Variants in SLIT3 observed in about 807,000 individuals in gnomAD.
SLIT3 encodes the protein slit homolog 3 protein.
Under a neutral mutation model 184.0 loss-of-function variants are expected in SLIT3, and 68 were observed. The ratio of observed to expected loss-of-function variants is 0.37; its 90% CI spans 0.30 to 0.45. The LOEUF is 0.45. Among genes scored for constraint, SLIT3 ranks in the 20% least tolerant of loss-of-function variants. The pLI is 1.00. For missense variants in SLIT3, 1,707 were observed against 2,026.0 expected (o/e 0.84, Z 3.02); for synonymous variants, 831 against 828.6 (o/e 1.00, Z -0.05).
At chr5:168,948,951 T>C (rs1461919935) in intron 4 of SLIT3, among the ~76,000 whole-genome samples, 1 of 151,866 alleles carries the variant, frequency 6.6e-6, no homozygotes, top group Non-Finnish European at 1.5e-5. Context: ...AAGGGAGGAG[T>C]GTGGACTAGC....
chr5:168,935,150 C>A (rs138605054), intron 4 of SLIT3, among the ~76,000 whole-genome samples: 1,978 of 123,854 alleles, frequency 0.016, 22 homozygotes, highest in Non-Finnish European at 0.023. Flanking sequence ...AAAAAAAAAA[C>A]AAAAAAAAAA....
At chr5:168,887,336 G>T (rs11740226) in intron 4 of SLIT3, among the ~76,000 whole-genome samples, 59,251 of 151,886 alleles carry the variant, frequency 0.39, 12,495 homozygotes, top group East Asian at 0.69. Context: ...TGATCCTAGA[G>T]GTCACTCCCA....
intron 9 of SLIT3, among the ~76,000 whole-genome samples, chr5:168,799,835 T>C (rs1480541067): frequency 6.6e-6 from 1 of 152,250 alleles, no homozygotes; most frequent in East Asian, 1.9e-4. Flanking sequence ...GTACTCATTT[T>C]ACAGATGAGG....
chr5:169,069,702 TG>T (rs1403599809), intron 4 of SLIT3, among the ~76,000 whole-genome samples: 1 of 151,784 alleles, frequency 6.6e-6, no homozygotes, highest in East Asian at 1.9e-4. Flanking sequence ...CCAAGAGGTT[TG>T]GTATGAGGAG....
chr5:169,128,146 T>C (rs1761149945), intron 4 of SLIT3, among the ~76,000 whole-genome samples: 1 of 151,250 alleles, frequency 6.6e-6, no homozygotes. Context: ...AAAAGCATGT[T>C]ATATAATGTT....
At chr5:168,962,114 A>G (rs1763032184) in intron 4 of SLIT3, among the ~76,000 whole-genome samples, 1 of 152,022 alleles carries the variant, frequency 6.6e-6, no homozygotes, top group South Asian at 2.1e-4. Context: ...CTCCACCAGC[A>G]TCTCTGGGCA....
In SLIT3 at chr5:168,762,778, G is replaced by A. The variant is rs1755205205; in HGVS notation, c.1460-89C>T. On this transcript the variant is annotated intron_variant, in intron 14 of 35. Transcript: ENST00000519560. ...GGTAGTGGGGGTGGGAGACAGAGAT[G>A]GGGGAATGAGTTGGGGGCTGTTAGG... 3.7e-6 allele frequency: 5 copies of A among 1,346,586 alleles called. No homozygotes were observed. In the Admixed American group the frequency reaches 6.9e-5, roughly 19 times the overall value. 83.4% of individuals were successfully genotyped at this position (1,346,586 alleles called of 1,614,324 possible).
intron 4 of SLIT3, among the ~76,000 whole-genome samples, chr5:168,934,100 AC>A (rs1202758045): frequency 5.3e-5 from 8 of 152,300 alleles, no homozygotes; most frequent in African/African-American, 1.9e-4. Context: ...GATGGGCTCC[AC>A]CTGCTTCCCG....
At chr5:168,782,964 G>C (rs183950742) in intron 12 of SLIT3, among the ~76,000 whole-genome samples, 1 of 152,158 alleles carries the variant, frequency 6.6e-6, no homozygotes, top group Non-Finnish European at 1.5e-5. Context: ...AGACTTTTCT[G>C]AGTTTTCTAG....
intron 6 of SLIT3, among the ~76,000 whole-genome samples, chr5:168,832,185 G>T (rs1757902950): frequency 6.6e-6 from 1 of 152,224 alleles, no homozygotes; most frequent in African/African-American, 2.4e-5. Flanking sequence ...TGAGACCATG[G>T]ACAGTCTTGA....
At chr5:168,718,830 C>T (rs1229853442) in intron 23 of SLIT3, among the ~76,000 whole-genome samples, 2 of 151,962 alleles carry the variant, frequency 1.3e-5, no homozygotes, top group Non-Finnish European at 2.9e-5. Flanking sequence ...CAAACTAAAC[C>T]TTGATGCTCA....
chr5:169,150,033 G>C (rs1762062018), intron 4 of SLIT3, among the ~76,000 whole-genome samples: 1 of 152,160 alleles, frequency 6.6e-6, no homozygotes, highest in South Asian at 2.1e-4. Context: ...CCAGTGTGTG[G>C]GATTTCAACC....
chr5:168,769,296 A>C (rs1755460605), intron 14 of SLIT3, among the ~76,000 whole-genome samples: 1 of 152,172 alleles, frequency 6.6e-6, no homozygotes, highest in East Asian at 1.9e-4. Context: ...ACTTCCTCCC[A>C]CTTGGCATTA....
intron 4 of SLIT3, among the ~76,000 whole-genome samples, chr5:169,073,328 T>C (rs964128063): frequency 8.5e-5 from 13 of 152,278 alleles, no homozygotes; most frequent in Admixed American, 4.6e-4. Flanking sequence ...GCCTTGGATA[T>C]ACAATAATCA....
intron 4 of SLIT3, among the ~76,000 whole-genome samples, chr5:168,972,688 C>G (rs1421107489): frequency 6.6e-6 from 1 of 152,158 alleles, no homozygotes; most frequent in Non-Finnish European, 1.5e-5. Flanking sequence ...GGTTCCATGC[C>G]TGTCAGATTC....
intron 4 of SLIT3, among the ~76,000 whole-genome samples, chr5:169,051,479 G>A (rs995098584): frequency 2.0e-5 from 3 of 152,284 alleles, no homozygotes; most frequent in Admixed American, 2.0e-4. Context: ...TGTCAATCAT[G>A]TTAATTGGAA....
At chr5:169,009,113 G>T (rs570165381) in intron 4 of SLIT3, among the ~76,000 whole-genome samples, 4 of 152,208 alleles carry the variant, frequency 2.6e-5, no homozygotes, top group Non-Finnish European at 4.4e-5. Flanking sequence ...GAGAAACCAG[G>T]AAAGGTTAAT....
rs530977948 is a variant in SLIT3 at position 169,074,430 on chromosome 5, A to G, written c.413+119049T>C. Among the ~76,000 whole-genome samples, 34 of 152,298 alleles carry G rather than the reference A, an allele frequency of 2.2e-4. No homozygotes were observed. The South Asian group carries it at 6.4e-3, about 29-fold the overall frequency. ...TAATAATAACAGTAGTAGTAATAAT[A>G]ATGATGATGATAGCTAGCATTATGG... is the stretch of plus-strand genomic sequence containing the variant. On this transcript the variant is annotated intron_variant, in intron 4 of 35. Coordinates refer to ENST00000519560, the MANE Select transcript of SLIT3 (RefSeq NM_003062.4).
chr5:168,965,439 T>C (rs1437710274), intron 4 of SLIT3, among the ~76,000 whole-genome samples: 4 of 152,238 alleles, frequency 2.6e-5, no homozygotes, highest in Non-Finnish European at 5.9e-5. Flanking sequence ...CTCTCAAATA[T>C]GAACTTGAGA....
Sources: allele counts gnomAD v4.1 joint callset (sites outside exome capture counted in the v4.1 genomes callset), GRCh38; gene constraint gnomAD v4.1.1; transcripts MANE v1.5; gene names NCBI Gene and HGNC (gene_info 2026-07-23, HGNC 2026-07-21).